CD79A: variants seen among roughly 807,000 people sequenced by gnomAD.
CD79A encodes the protein CD79a molecule.
CD79A carries 16 observed loss-of-function variants against 27.4 expected under a neutral mutation model. The observed-to-expected ratio is 0.58, with a 90% CI of 0.40 to 0.89. The LOEUF is 0.89. Among genes scored for constraint, CD79A ranks in the 40% least tolerant of loss-of-function variants. The pLI is 0.00. For synonymous variants in CD79A, 110 were observed against 132.7 expected (o/e 0.83, Z 1.18); for missense variants, 237 against 299.7 (o/e 0.79, Z 1.55).
Position 41,879,268 on chromosome 19 carries a change from G to T in CD79A, c.358G>T (p.Gly120Cys), listed in dbSNP as rs782282654. Residue 120 changes from glycine to cysteine, a missense_variant, in exon 2 of 5, where the codon GGC becomes TGC. Physicochemically the swap from Gly to Cys is radical, Grantham distance 159 (BLOSUM62 -3). Coordinates refer to ENST00000221972, the MANE Select transcript of CD79A (RefSeq NM_001783.4). The surrounding 1 kb of genome is among the most constrained non-coding windows in gnomAD (Gnocchi z 5.1). Reference sequence around the variant, plus strand: ...CAACGAGTCATACCAGCAGTCCTGCGGCACCTACCTCCGCGTGCGCCGTGA... The same window carrying T: ...CAACGAGTCATACCAGCAGTCCTGCTGCACCTACCTCCGCGTGCGCCGTGA... Reference protein sequence around the residue: ...EGNESYQQSCGTYLRVRQPPP... With the variant: ...EGNESYQQSCCTYLRVRQPPP... 1.9e-6 allele frequency: 3 copies of T among 1,613,068 alleles called. No homozygotes were observed. The highest frequency in any genetic ancestry group is 2.5e-6 in the Non-Finnish European group (3 of 1,180,002).
Position 41,879,538 on chromosome 19 carries a change from C to T in CD79A, c.383C>T (p.Pro128Leu), listed in dbSNP as rs782307227. The T allele has an allele frequency of 1.1e-5, 17 of 1,602,856 alleles. No homozygotes were observed. The highest frequency in any genetic ancestry group is 3.4e-5 in the Admixed American group (2 of 59,484). Residue 128 changes from proline (P) to leucine (L), a missense_variant, in exon 3 of 5, where the codon CCG becomes CTG. Transcript: ENST00000221972. This position sits in a 1 kb window ranked among gnomAD's most constrained non-coding sequence, Gnocchi z 5.1. ...GAGCCATACTACCTCCTTGCAGAGC[C>T]GCCCCCCAGGCCCTTCCTGGACATG... ...SCGTYLRVRQ[P>L]PPRPFLDMGE...
In CD79A at chr19:41,877,989, C is replaced by T. The variant is rs184784551; in HGVS notation, c.79+606C>T. ...GCCCGTGACGATGAGGGTGCTCGGC[C>T]CCTCTCCCCATCTCTTCCTCCTTCT... On this transcript the variant is annotated intron_variant, in intron 1 of 4. Transcript: ENST00000221972. This position sits in a 1 kb window ranked among gnomAD's most constrained non-coding sequence, Gnocchi z 4.1. Among the ~76,000 whole-genome samples, 82 of 152,252 alleles carry T rather than the reference C, an allele frequency of 5.4e-4. No homozygotes were observed. The highest frequency in any genetic ancestry group is 2.0e-3 in the African/African-American group (82 of 41,542).
At chr19:41,880,121 C>T (rs1243898766) in intron 3 of CD79A, among the ~76,000 whole-genome samples, 4 of 152,018 alleles carry the variant, frequency 2.6e-5, no homozygotes, top group Admixed American at 6.6e-5. Flanking sequence ...CTCAAGAAGA[C>T]GCTAGCTTGG....
chr19:41,878,871 C>G lies in CD79A; in HGVS notation c.80-119C>G. 1 of 776,944 alleles carries G rather than the reference C, an allele frequency of 1.3e-6. No individual in the cohort carries two copies. The highest frequency in any genetic ancestry group is 2.1e-6 in the Non-Finnish European group (1 of 471,138). 48.1% of individuals were successfully genotyped at this position (776,944 alleles called of 1,614,324 possible). A position where few individuals can be genotyped will look rare whatever the true frequency, so the allele number is the denominator to read the frequency against. ...GCCCCTGTCAGGGGCTCTCTCTCTC[C>G]CTCCCCACCCAGGAGAGTCCTCACC... On this transcript the variant is annotated intron_variant, in intron 1 of 4. Coordinates refer to ENST00000221972, the MANE Select transcript of CD79A (RefSeq NM_001783.4). This position sits in a 1 kb window ranked among gnomAD's most constrained non-coding sequence, Gnocchi z 4.3.
rs2074199466 is a variant in CD79A at position 41,878,062 on chromosome 19, C to G, written c.79+679C>G. 1.3e-5 allele frequency among the ~76,000 whole-genome samples: 2 copies of G among 152,196 alleles called. No individual in the cohort carries two copies. The highest frequency in any genetic ancestry group is 1.3e-4 in the Admixed American group (2 of 15,280). ...ACCTACCTCCAGAAGAGGGGACTGG[C>G]CATGTGGGAGGCCTGGCTGAGAGCT... On this transcript the variant is annotated intron_variant, in intron 1 of 4. Coordinates refer to ENST00000221972, the MANE Select transcript of CD79A (RefSeq NM_001783.4). The surrounding 1 kb of genome is among the most constrained non-coding windows in gnomAD (Gnocchi z 4.3).
Position 41,878,971 on chromosome 19 carries a change from C to A in CD79A, c.80-19C>A. 3.9e-6 allele frequency: 6 copies of A among 1,546,340 alleles called. No homozygotes were observed. Among genetic ancestry groups the A allele is most frequent in the East Asian group, 2.3e-5 (1 of 44,188 alleles). ...TCACCATCCCCAGTCCCTGACCCACCCACCCTGTCTCTCCACAGGCCCTGG... is the reference window on the plus strand; with the variant it reads ...TCACCATCCCCAGTCCCTGACCCACACACCCTGTCTCTCCACAGGCCCTGG... On this transcript the variant is annotated intron_variant, in intron 1 of 4. Coordinates refer to ENST00000221972, the MANE Select transcript of CD79A (RefSeq NM_001783.4). The surrounding 1 kb of genome is among the most constrained non-coding windows in gnomAD (Gnocchi z 4.3).
rs1290755454 is a variant in CD79A, at chr19:41,878,669, A to G, written c.80-321A>G. Among the ~76,000 whole-genome samples, 1 of 152,028 alleles carries G rather than the reference A, an allele frequency of 6.6e-6. No homozygotes were observed. The highest frequency in any genetic ancestry group is 1.5e-5 in the Non-Finnish European group (1 of 67,970). ...CCAGAGTACAAAGTGGGTATGCGGGAGGGGGGCAAGAGATGGCGCTGCAGA... is the reference window on the plus strand; with the variant it reads ...CCAGAGTACAAAGTGGGTATGCGGGGGGGGGGCAAGAGATGGCGCTGCAGA... On this transcript the variant is annotated intron_variant, in intron 1 of 4. Coordinates refer to ENST00000221972, the MANE Select transcript of CD79A (RefSeq NM_001783.4). This position sits in a 1 kb window ranked among gnomAD's most constrained non-coding sequence, Gnocchi z 4.3.
At position 41,880,451 on chromosome 19, in the gene CD79A, GGGAAGGAAGGAA is replaced by G. The variant is rs782467863; in HGVS notation, c.499-175_499-164del. Among the ~76,000 whole-genome samples the G allele has an allele frequency of 4.8e-3, 490 of 102,574 alleles. 7 individuals are homozygous for G. The highest frequency in any genetic ancestry group is 0.014 in the African/African-American group (385 of 27,264). 67.3% of individuals were successfully genotyped at this position (102,574 alleles called of 152,430 possible). On this transcript the variant is annotated intron_variant, in intron 3 of 4. Coordinates refer to ENST00000221972, the MANE Select transcript of CD79A (RefSeq NM_001783.4). ...AGAGGGAGGGAGGGAAGGAAGGGAA[GGGAAGGAAGGAA>G]GGAAGGAAGGAAGGAAGGAAGGAAG...
In CD79A at chr19:41,877,333, C is replaced by T. The variant is rs1555843091; in HGVS notation, c.29C>T (p.Ala10Val). Residue 10 changes from alanine to valine, a missense_variant, in exon 1 of 5, where the codon GCT becomes GTT. Transcript: ENST00000221972. This position sits in a 1 kb window ranked among gnomAD's most constrained non-coding sequence, Gnocchi z 4.1. The stretch of plus-strand genomic sequence containing the variant: ...CCTGGGGGTCCAGGAGTCCTCCAAG[C>T]TCTGCCTGCCACCATCTTCCTCCTC... MPGGPGVLQ[A>V]LPATIFLLFL... The T allele has an allele frequency of 4.3e-6, 7 of 1,614,214 alleles. No homozygotes were observed. In the East Asian group the frequency reaches 1.6e-4, roughly 36 times the overall value.
rs2074202320 is a variant in CD79A at position 41,878,667 on chromosome 19, G to A, written c.80-323G>A. 6.6e-6 allele frequency among the ~76,000 whole-genome samples: 1 copy of A among 152,104 alleles called. No individual in the cohort carries two copies. ...GGCCAGAGTACAAAGTGGGTATGCG[G>A]GAGGGGGGCAAGAGATGGCGCTGCA... is the stretch of plus-strand genomic sequence containing the variant. On this transcript the variant is annotated intron_variant, in intron 1 of 4. Coordinates refer to ENST00000221972, the MANE Select transcript of CD79A (RefSeq NM_001783.4). This position sits in a 1 kb window ranked among gnomAD's most constrained non-coding sequence, Gnocchi z 4.3.
intron 3 of CD79A, among the ~76,000 whole-genome samples, 189 bp from the exon 4 acceptor site, chr19:41,880,481 G>GAAGGA (rs2074216692): frequency 6.7e-6 from 1 of 149,544 alleles, no homozygotes; most frequent in Admixed American, 6.7e-5. Flanking sequence ...AGGAAGGAAG[G>GAAGGA]AAGGAAGGAA....
Position 41,881,039 on chromosome 19 carries a change from C to G in CD79A, c.*59C>G. 1.0e-6 allele frequency: 1 copy of G among 988,090 alleles called. No individual in the cohort carries two copies. The highest frequency in any genetic ancestry group is 1.6e-6 in the Non-Finnish European group (1 of 643,760). The allele number at this position is 988,090 out of a possible 1,614,324, so 61.2% of individuals were successfully genotyped here. A position where few individuals can be genotyped will look rare whatever the true frequency, so the allele number is the denominator to read the frequency against. The stretch of plus-strand genomic sequence containing the variant: ...TGTGCACCCAGCTCCAGTGTCTCAG[C>G]TCACTTCCCTGGGACATTCTCCTTT... On this transcript the variant is annotated 3_prime_UTR_variant, in exon 5 of 5. Transcript: ENST00000221972.
rs2074222170 is a variant in CD79A at position 41,881,118 on chromosome 19, T to C, written c.*138T>C. ...ATTCCCCCAGTGGGGGGTGGGAGGGTAACCTCACTCTTCTCCAGGCCAGGC... is the reference window on the plus strand; with the variant it reads ...ATTCCCCCAGTGGGGGGTGGGAGGGCAACCTCACTCTTCTCCAGGCCAGGC... On this transcript the variant is annotated 3_prime_UTR_variant, in exon 5 of 5. Coordinates refer to ENST00000221972, the MANE Select transcript of CD79A (RefSeq NM_001783.4). 2 of 709,974 alleles carry C rather than the reference T, an allele frequency of 2.8e-6. No homozygotes were observed. Among genetic ancestry groups the C allele is most frequent in the Admixed American group, 2.0e-5 (1 of 49,662 alleles). The allele number at this position is 709,974 out of a possible 1,614,324, so 44.0% of individuals were successfully genotyped here. A position where few individuals can be genotyped will look rare whatever the true frequency, so the allele number is the denominator to read the frequency against.
In CD79A at chr19:41,877,313, G is replaced by T. The variant is rs1555843083; in HGVS notation, c.9G>T (p.Gly3=). The change falls in exon 1 of 5, where the codon GGG becomes GGT. Residue 3 remains glycine (G), a synonymous_variant. Coordinates refer to ENST00000221972, the MANE Select transcript of CD79A (RefSeq NM_001783.4). The surrounding 1 kb of genome is among the most constrained non-coding windows in gnomAD (Gnocchi z 4.1). MP[G]GPGVLQALPA... is the part of the protein sequence containing the mutation. ...CAACCCACTGGGAGAAGATGCCTGG[G>T]GGTCCAGGAGTCCTCCAAGCTCTGC... 6.2e-7 allele frequency: 1 copy of T among 1,613,776 alleles called. No homozygotes were observed. The highest frequency in any genetic ancestry group is 2.2e-5 in the East Asian group (1 of 44,888).
At position 41,879,636 on chromosome 19, in the gene CD79A, A is replaced by T; in HGVS notation, c.481A>T (p.Thr161Ser). ...CCTGTTCTGCGCGGTGGTGCCTGGGACGCTGCTGCTGTTCAGGGTGAGCCC... is the reference window on the plus strand; with the variant it reads ...CCTGTTCTGCGCGGTGGTGCCTGGGTCGCTGCTGCTGTTCAGGGTGAGCCC... ...ILLFCAVVPG[T>S]LLLFRKRWQN... The change falls in exon 3 of 5, where the codon ACG becomes TCG. Residue 161 changes from threonine (T) to serine (S), a missense_variant. Transcript: ENST00000221972. The surrounding 1 kb of genome is among the most constrained non-coding windows in gnomAD (Gnocchi z 5.1). 1 of 1,609,614 alleles carries T rather than the reference A, an allele frequency of 6.2e-7. No homozygotes were observed. The highest frequency in any genetic ancestry group is 8.5e-7 in the Non-Finnish European group (1 of 1,177,156).
At position 41,877,300 on chromosome 19, in the gene CD79A, A is replaced by G; in HGVS notation, c.-5A>G. 6.2e-7 allele frequency: 1 copy of G among 1,613,222 alleles called. No individual in the cohort carries two copies. Among genetic ancestry groups the G allele is most frequent in the Non-Finnish European group, 8.5e-7 (1 of 1,179,166 alleles). On this transcript the variant is annotated 5_prime_UTR_variant, in exon 1 of 5. Transcript: ENST00000221972. The surrounding 1 kb of genome is among the most constrained non-coding windows in gnomAD (Gnocchi z 4.1). ...AACTCAAACTAACCAACCCACTGGG[A>G]GAAGATGCCTGGGGGTCCAGGAGTC...
rs1555844140 is a variant in CD79A at position 41,880,902 on chromosome 19, C to T, written c.603C>T (p.Asp201=). The T allele has an allele frequency of 1.2e-6, 2 of 1,606,130 alleles. No individual in the cohort carries two copies. The highest frequency in any genetic ancestry group is 1.7e-6 in the Non-Finnish European group (2 of 1,176,856). ...LNLDDCSMYE[D]ISRGLQGTYQ... ...TGGACGACTGCTCCATGTATGAGGACATCTCCCGGGGCCTCCAGGGCACCT... is the reference window on the plus strand; with the variant it reads ...TGGACGACTGCTCCATGTATGAGGATATCTCCCGGGGCCTCCAGGGCACCT... The change falls in exon 5 of 5, where the codon GAC becomes GAT. Residue 201 remains aspartate, a synonymous_variant. Coordinates refer to ENST00000221972, the MANE Select transcript of CD79A (RefSeq NM_001783.4).
intron 3 of CD79A, 146 bp from the exon 4 acceptor site, chr19:41,880,524 T>C (rs1555844022): frequency 1.4e-6 from 1 of 699,286 alleles, no homozygotes; most frequent in African/African-American, 1.8e-5. Context: ...GGTTGTAGAC[T>C]CAGAGAGAAC....
chr19:41,880,390 A>AG (rs2074214317), intron 3 of CD79A, among the ~76,000 whole-genome samples: 1 of 137,460 alleles, frequency 7.3e-6, no homozygotes, highest in African/African-American at 2.6e-5. Context: ...AGAGAGAGAG[A>AG]AAGAGAGAGA....
Sources: allele counts gnomAD v4.1 joint callset (sites outside exome capture counted in the v4.1 genomes callset), GRCh38; gene constraint gnomAD v4.1.1; non-coding constraint Gnocchi (gnomAD v3.1); transcripts MANE v1.5; gene names NCBI Gene and HGNC (gene_info 2026-07-23, HGNC 2026-07-21).